STK31: variants seen among roughly 807,000 people sequenced by gnomAD.
The protein encoded by STK31 is serine/threonine-protein kinase 31.
In STK31, 89 loss-of-function variants were observed where a neutral mutation model predicts 129.7. The observed-to-expected ratio is 0.69, with a 90% CI of 0.58 to 0.82. The LOEUF is 0.82. Ranked by LOEUF, STK31 falls within the 40% of genes least tolerant of loss-of-function variation. The pLI, the probability that STK31 is intolerant of heterozygous loss-of-function variation, is 0.00. For missense variants in STK31, 1,187 were observed against 1,176.4 expected (o/e 1.01, Z -0.13); for synonymous variants, 448 against 395.3 (o/e 1.13, Z -1.58).
rs1562603179 is a variant in STK31 at position 23,787,973 on chromosome 7, TC to T, written c.2488-6del. 3 of 1,540,758 alleles carry T rather than the reference TC, an allele frequency of 1.9e-6. No homozygotes were observed. In the Admixed American group the frequency reaches 6.3e-5, roughly 33 times the overall value. On this transcript the variant is annotated splice_region_variant and splice_polypyrimidine_tract_variant and intron_variant, in intron 20 of 23. Transcript: ENST00000355870. ...TCCTCACTTCTTTTATGTGTACTTA[TC>T]TATAGGAAACTTTAAAGGTCATGAA... is the stretch of plus-strand genomic sequence containing the variant.
chr7:23,721,328 C>A, intron 4 of STK31: 1 of 698,094 alleles, frequency 1.4e-6, no homozygotes, highest in South Asian at 1.8e-5. Context: ...TAAAATATGT[C>A]AAGTAAGCTT....
chr7:23,716,806 T>TTC (rs1786351509), intron 3 of STK31, among the ~76,000 whole-genome samples: 1 of 150,728 alleles, frequency 6.6e-6, no homozygotes, highest in African/African-American at 2.4e-5. Context: ...ACTTTTTTTT[T>TTC]TTTTTTTTTC....
chr7:23,719,012 G>A (rs1786522067), intron 4 of STK31, among the ~76,000 whole-genome samples: 1 of 152,008 alleles, frequency 6.6e-6, no homozygotes, highest in Non-Finnish European at 1.5e-5. Context: ...CCCCTGCTTT[G>A]CTAGTGTACT....
At chr7:23,825,837 T>G (rs1794114282) in intron 23 of STK31, among the ~76,000 whole-genome samples, 3 of 152,252 alleles carry the variant, frequency 2.0e-5, no homozygotes, top group Admixed American at 6.5e-5. Context: ...TCTTTATTTC[T>G]GCCTTCATTT....
At chr7:23,801,839 A>G (rs1792390261) in intron 22 of STK31, among the ~76,000 whole-genome samples, 1 of 152,146 alleles carries the variant, frequency 6.6e-6, no homozygotes, top group African/African-American at 2.4e-5. Flanking sequence ...GTCAGAAATA[A>G]ATCGGCCATT....
intron 21 of STK31, among the ~76,000 whole-genome samples, chr7:23,788,668 T>G (rs550892522): frequency 6.4e-4 from 97 of 152,264 alleles, no homozygotes; most frequent in African/African-American, 2.2e-3. Context: ...ATGTTGTGAT[T>G]TTTTTGTCGT....
intron 22 of STK31, among the ~76,000 whole-genome samples, chr7:23,808,943 T>TTATGTGTGTGTGAGTGTGTGTGTGTGTG (rs71552258): frequency 1.2e-5 from 1 of 84,436 alleles, no homozygotes; most frequent in Admixed American, 1.4e-4. Flanking sequence ...CTTGGAGCTT[T>TTATGTGTGTGTGAGTGTGTGTGTGTGTG]TGTGTGTGTG....
chr7:23,730,980 G>A (rs1405920480), intron 6 of STK31, among the ~76,000 whole-genome samples: 1 of 147,562 alleles, frequency 6.8e-6, no homozygotes, highest in Admixed American at 6.9e-5. Context: ...CGCCTCTTGG[G>A]TTCAAGCGAT....
rs1418425967 is a variant in STK31 at position 23,762,927 on chromosome 7, G to A, written c.1416+4G>A. On this transcript the variant is annotated splice_donor_region_variant and intron_variant, in intron 11 of 23. Coordinates refer to ENST00000355870, the MANE Select transcript of STK31 (RefSeq NM_031414.5). The stretch of plus-strand genomic sequence containing the variant: ...TAAACGCTTAAAAACATTGCAGGTT[G>A]GAATTAAAAATATATTAAATATACG... 1 of 1,552,014 alleles carries A rather than the reference G, an allele frequency of 6.4e-7. No individual in the cohort carries two copies. Among genetic ancestry groups the A allele is most frequent in the Admixed American group, 2.1e-5 (1 of 47,074 alleles).
chr7:23,791,318 AT>A (rs748718064), intron 22 of STK31: 11 of 985,266 alleles, frequency 1.1e-5, no homozygotes, highest in Non-Finnish European at 1.3e-5. Flanking sequence ...TAGTTTAAGA[AT>A]TAAGAAGTTG....
intron 11 of STK31, among the ~76,000 whole-genome samples, chr7:23,766,334 C>T (rs1410811118): frequency 6.6e-6 from 1 of 152,134 alleles, no homozygotes; most frequent in Non-Finnish European, 1.5e-5. Context: ...GCCATCTCAG[C>T]TCACTGCAAC....
rs71552259 is a variant in STK31 at position 23,814,146 on chromosome 7, C to CTTTTTTTCTTT, written c.2761-996_2761-995insTTTTTCTTTTT. ...GTTGGGAAACATCAGATCTGGCTCA[C>CTTTTTTTCTTT]TTATTTTTTTTTTTTTTTCAGTTGG... On this transcript the variant is annotated intron_variant, in intron 22 of 23. Transcript: ENST00000355870. 2.0e-5 allele frequency among the ~76,000 whole-genome samples: 2 copies of CTTTTTTTCTTT among 98,916 alleles called. 1 individual carries two copies. The highest frequency in any genetic ancestry group is 3.8e-5 in the Non-Finnish European group (2 of 53,226). The allele number at this position is 98,916 out of a possible 152,430, so 64.9% of individuals were successfully genotyped here.
chr7:23,711,691 C>T (rs1785975421), intron 1 of STK31, among the ~76,000 whole-genome samples: 1 of 152,096 alleles, frequency 6.6e-6, no homozygotes, highest in Non-Finnish European at 1.5e-5. Flanking sequence ...ATAAAATAGA[C>T]TACCAGTTTA....
At chr7:23,822,540 A>C (rs542503529) in intron 23 of STK31, among the ~76,000 whole-genome samples, 42 of 152,158 alleles carry the variant, frequency 2.8e-4, no homozygotes, top group Non-Finnish European at 5.6e-4. Context: ...TGGAGTCTTT[A>C]GGTTTTTCTA....
In STK31 at chr7:23,786,689, T is replaced by C. The variant is rs1001465540; in HGVS notation, c.2400+56T>C. The C allele has an allele frequency of 7.0e-6, 11 of 1,575,770 alleles. No homozygotes were observed. The African/African-American group carries it at 1.5e-4, about 22-fold the overall frequency. On this transcript the variant is annotated intron_variant, in intron 19 of 23. Transcript: ENST00000355870. ...ACCATTTTATCTTGCAGAAACTATTTTATTTAAAATAAATTTTAGCTCCAG... is the reference window on the plus strand; with the variant it reads ...ACCATTTTATCTTGCAGAAACTATTCTATTTAAAATAAATTTTAGCTCCAG...
chr7:23,735,529 C>T lies in STK31; in HGVS notation c.484-9C>T. The T allele has an allele frequency of 6.4e-7, 1 of 1,565,064 alleles. No individual in the cohort carries two copies. The highest frequency in any genetic ancestry group is 8.6e-7 in the Non-Finnish European group (1 of 1,156,982). On this transcript the variant is annotated splice_polypyrimidine_tract_variant and intron_variant, in intron 6 of 23. Transcript: ENST00000355870. ...TGGTGTAGCTGGTTTATGTTTTCTT[C>T]TTTCTTAGGGCACAACCTTTTTGGG...
At chr7:23,781,083 A>G (rs1474398949) in intron 15 of STK31, among the ~76,000 whole-genome samples, 1 of 152,252 alleles carries the variant, frequency 6.6e-6, no homozygotes, top group Non-Finnish European at 1.5e-5. Context: ...ATTCAGGTGT[A>G]TTCTGGTTGC....
chr7:23,744,181 A>G (rs981567173), intron 8 of STK31, among the ~76,000 whole-genome samples: 16 of 151,638 alleles, frequency 1.1e-4, no homozygotes, highest in Admixed American at 4.0e-4. Flanking sequence ...CAGCCTCCCA[A>G]AGTGCTGGGA....
intron 23 of STK31, among the ~76,000 whole-genome samples, chr7:23,827,184 A>C (rs553155106): frequency 1.3e-5 from 2 of 152,292 alleles, no homozygotes; most frequent in East Asian, 1.9e-4. Flanking sequence ...TAATATGCTG[A>C]AGAGTGTTTT....
Sources: allele counts gnomAD v4.1 joint callset (sites outside exome capture counted in the v4.1 genomes callset), GRCh38; gene constraint gnomAD v4.1.1; transcripts MANE v1.5; gene names NCBI Gene and HGNC (gene_info 2026-07-23, HGNC 2026-07-21).